Variants in LARS2 observed in about 807,000 individuals in gnomAD.
LARS2 encodes the protein leucyl-tRNA synthetase 2, mitochondrial.
In LARS2, 81 loss-of-function variants were observed where a neutral mutation model predicts 116.6. The observed-to-expected ratio is 0.69, with a 90% CI of 0.58 to 0.84. The LOEUF is 0.84. LARS2 is among the 40% of genes least tolerant of loss of function. The pLI is 0.00. For synonymous variants in LARS2, 396 were observed against 407.2 expected (o/e 0.97, Z 0.33); for missense variants, 968 against 1,114.5 (o/e 0.87, Z 1.87).
intron 17 of LARS2, 35 bp from the exon 18 acceptor site, chr3:45,517,868 G>A (rs377152334): frequency 3.5e-5 from 55 of 1,575,102 alleles, no homozygotes; most frequent in East Asian, 1.8e-4. Flanking sequence ...TATGTTGCAC[G>A]CTCTCTCTTT....
chr3:45,511,573 C>T (rs1160850591), intron 15 of LARS2, among the ~76,000 whole-genome samples: 1 of 150,622 alleles, frequency 6.6e-6, no homozygotes, highest in Non-Finnish European at 1.5e-5. Context: ...CAACAGTTTA[C>T]CTTAAAAAAA....
chr3:45,527,281 G>A (rs1700544016), intron 20 of LARS2, among the ~76,000 whole-genome samples: 1 of 152,168 alleles, frequency 6.6e-6, no homozygotes, highest in Non-Finnish European at 1.5e-5. Context: ...ATTTGCTCTG[G>A]ATTGAGTGCT....
intron 13 of LARS2, among the ~76,000 whole-genome samples, chr3:45,494,753 A>G (rs1159945054): frequency 6.6e-6 from 1 of 152,146 alleles, no homozygotes; most frequent in Non-Finnish European, 1.5e-5. Context: ...ACAGGCCCAC[A>G]ACTCTAGGAA....
At chr3:45,429,041 A>T (rs976030557) in intron 6 of LARS2, among the ~76,000 whole-genome samples, 1 of 152,142 alleles carries the variant, frequency 6.6e-6, no homozygotes, top group African/African-American at 2.4e-5. Flanking sequence ...GTTATTTATA[A>T]TCCAGTTTAT....
chr3:45,480,255 A>G (rs1174542090), intron 10 of LARS2, among the ~76,000 whole-genome samples: 1 of 152,248 alleles, frequency 6.6e-6, no homozygotes, highest in Non-Finnish European at 1.5e-5. Flanking sequence ...TGCTGTGCTA[A>G]TGTGCACTGT....
chr3:45,521,560 C>G (rs1700456114), intron 19 of LARS2, among the ~76,000 whole-genome samples: 1 of 152,238 alleles, frequency 6.6e-6, no homozygotes, highest in Middle Eastern at 3.4e-3. Flanking sequence ...AAATTTATAA[C>G]ATGTCAGACA....
chr3:45,436,473 G>C (rs1336755342), intron 6 of LARS2, among the ~76,000 whole-genome samples: 2 of 152,170 alleles, frequency 1.3e-5, no homozygotes, highest in African/African-American at 4.8e-5. Context: ...TTAATGGAGG[G>C]TTTTCTCTTC....
chr3:45,409,359 C>T (rs551421358), intron 4 of LARS2, among the ~76,000 whole-genome samples: 2 of 152,264 alleles, frequency 1.3e-5, no homozygotes, highest in East Asian at 3.9e-4. Context: ...GTTTGGAGTT[C>T]TTCCCAGTGA....
At chr3:45,513,342 G>A (rs1700317305) in intron 16 of LARS2, 107 bp downstream of exon 16, 14 of 773,026 alleles carry the variant, frequency 1.8e-5, no homozygotes, top group Non-Finnish European at 9.1e-6. Context: ...GGAGGATGCA[G>A]GAGAGAGACC....
chr3:45,428,779 G>C (rs941406201), intron 6 of LARS2, among the ~76,000 whole-genome samples: 2 of 152,096 alleles, frequency 1.3e-5, no homozygotes, highest in Non-Finnish European at 2.9e-5. Flanking sequence ...AAGGTTGAAA[G>C]AATAGTACAA....
At chr3:45,446,033 C>A (rs1699012401) in intron 6 of LARS2, among the ~76,000 whole-genome samples, 1 of 152,158 alleles carries the variant, frequency 6.6e-6, no homozygotes, top group Non-Finnish European at 1.5e-5. Context: ...ACAATCACAC[C>A]ACTGCACTTC....
chr3:45,510,295 T>G (rs1700267987), intron 15 of LARS2, among the ~76,000 whole-genome samples: 3 of 152,070 alleles, frequency 2.0e-5, no homozygotes, highest in Admixed American at 2.0e-4. Flanking sequence ...GCGCCTGTGG[T>G]CCCAGCTGCT....
chr3:45,480,016 A>G (rs1337095884), intron 10 of LARS2, among the ~76,000 whole-genome samples: 3 of 152,198 alleles, frequency 2.0e-5, no homozygotes, highest in Non-Finnish European at 4.4e-5. Context: ...GTCATTAAAT[A>G]ATAATTAATT....
intron 4 of LARS2, among the ~76,000 whole-genome samples, chr3:45,404,251 G>A (rs900101583): frequency 1.3e-5 from 2 of 152,128 alleles, no homozygotes; most frequent in Admixed American, 6.5e-5. Flanking sequence ...TCTTTTCAGG[G>A]TGTTCTCTAG....
At chr3:45,408,165 C>T (rs889367773) in intron 4 of LARS2, among the ~76,000 whole-genome samples, 2 of 152,220 alleles carry the variant, frequency 1.3e-5, no homozygotes, top group African/African-American at 4.8e-5. Context: ...TTTTCTCCTG[C>T]ATCTCTTTCT....
At chr3:45,460,369 G>A (rs768046061) in intron 8 of LARS2, among the ~76,000 whole-genome samples, 12 of 152,248 alleles carry the variant, frequency 7.9e-5, no homozygotes, top group Non-Finnish European at 1.8e-4. Context: ...TACTGGGAAG[G>A]ATGCTTGGTT....
At chr3:45,482,127 A>G (rs538158750) in intron 10 of LARS2, among the ~76,000 whole-genome samples, 2 of 152,106 alleles carry the variant, frequency 1.3e-5, no homozygotes, top group African/African-American at 2.4e-5. Flanking sequence ...CTGCCTCTTT[A>G]TTTTCTGGCC....
Position 45,484,631 on chromosome 3 carries a change from AT to A in LARS2, c.1019-1060del, listed in dbSNP as rs1331161592. Among the ~76,000 whole-genome samples, 70 of 33,364 alleles carry A rather than the reference AT, an allele frequency of 2.1e-3. 5 individuals are homozygous for A. Among genetic ancestry groups the A allele is most frequent in the Non-Finnish European group, 2.9e-3 (50 of 17,460 alleles). The allele number at this position is 33,364 out of a possible 152,430, so 21.9% of individuals were successfully genotyped here. A position where few individuals can be genotyped will look rare whatever the true frequency, so the allele number is the denominator to read the frequency against. ...AAAAAAAAAAAAAAAAAAAAAAAAA[AT>A]ATATATATATATATATTTAAAATAA... On this transcript the variant is annotated intron_variant, in intron 10 of 21. Transcript: ENST00000645846.
rs755438893 is a variant in LARS2 at position 45,446,862 on chromosome 3, T to A, written c.517-29T>A. On this transcript the variant is annotated intron_variant, in intron 6 of 21. Transcript: ENST00000645846. ...GGCTGGGGGGATGTTTATAATGGCCTGTACATTATTTTTCTTCTTTGTTGG... is the reference window on the plus strand; with the variant it reads ...GGCTGGGGGGATGTTTATAATGGCCAGTACATTATTTTTCTTCTTTGTTGG... The A allele has an allele frequency of 5.8e-6, 8 of 1,385,514 alleles. No individual in the cohort carries two copies. The South Asian group carries it at 9.5e-5, about 16-fold the overall frequency. 85.8% of individuals were successfully genotyped at this position (1,385,514 alleles called of 1,614,324 possible). A position where few individuals can be genotyped will look rare whatever the true frequency, so the allele number is the denominator to read the frequency against.
Sources: allele counts gnomAD v4.1 joint callset (sites outside exome capture counted in the v4.1 genomes callset), GRCh38; gene constraint gnomAD v4.1.1; transcripts MANE v1.5; gene names NCBI Gene and HGNC (gene_info 2026-07-23, HGNC 2026-07-21).